The following DAB1 variants were observed in gnomAD, a reference collection of about 807,000 sequenced individuals.
The protein encoded by DAB1 is DAB adaptor protein 1.
DAB1 carries 15 observed loss-of-function variants against 64.6 expected under a neutral mutation model. That is an observed-to-expected ratio of 0.23 (90% confidence interval 0.16 to 0.36). DAB1 has a LOEUF of 0.36. Ranked by LOEUF, DAB1 falls within the 10% of genes least tolerant of loss-of-function variation. DAB1 has a pLI of 1.00. For synonymous variants in DAB1, 235 were observed against 251.9 expected (o/e 0.93, Z 0.64); for missense variants, 596 against 706.7 (o/e 0.84, Z 1.78).
chr1:57,167,328 C>T (rs1661292989), intron 2 of DAB1, among the ~76,000 whole-genome samples: 2 of 152,170 alleles, frequency 1.3e-5, no homozygotes, highest in South Asian at 4.2e-4. Context: ...TTCTTTCTTC[C>T]ATCTCACTCT....
chr1:57,386,055 T>A (rs1476366038), intron 1 of DAB1, among the ~76,000 whole-genome samples: 1 of 152,174 alleles, frequency 6.6e-6, no homozygotes, highest in Admixed American at 6.5e-5. Flanking sequence ...ACTCAGTGAC[T>A]GTTTCTGCAG....
intron 5 of DAB1, among the ~76,000 whole-genome samples, chr1:58,026,550 T>C (rs755690074): frequency 6.6e-6 from 1 of 152,214 alleles, no homozygotes; most frequent in African/African-American, 2.4e-5. Context: ...TGCTCCCTTA[T>C]TATTTTATTA....
At chr1:58,363,094 T>C (rs1644182833) in intron 3 of DAB1, among the ~76,000 whole-genome samples, 1 of 152,146 alleles carries the variant, frequency 6.6e-6, no homozygotes, top group African/African-American at 2.4e-5. Context: ...TCCATCCTCA[T>C]AACTTCACCT....
chr1:57,134,201 C>A (rs1437495552), intron 4 of DAB1, among the ~76,000 whole-genome samples: 1 of 152,156 alleles, frequency 6.6e-6, no homozygotes, highest in Admixed American at 6.6e-5. Flanking sequence ...ACAGAAACCA[C>A]CTCCTAAAAC....
chr1:57,669,168 GC>G (rs1646481637), intron 6 of DAB1, among the ~76,000 whole-genome samples: 1 of 152,038 alleles, frequency 6.6e-6, no homozygotes, highest in South Asian at 2.1e-4. Context: ...ACAGGACTTA[GC>G]CAATTCAATC....
intron 5 of DAB1, among the ~76,000 whole-genome samples, chr1:58,070,659 T>C (rs1205914507): frequency 3.3e-5 from 5 of 152,192 alleles, no homozygotes; most frequent in Non-Finnish European, 5.9e-5. Flanking sequence ...TGAGATGGGA[T>C]GCAGGCCTGT....
chr1:58,193,315 G>A (rs1657490415), intron 4 of DAB1, among the ~76,000 whole-genome samples: 1 of 152,160 alleles, frequency 6.6e-6, no homozygotes, highest in African/African-American at 2.4e-5. Context: ...GCCATGAATG[G>A]AAGCAGCCTG....
At chr1:58,064,542 C>G (rs142064900) in intron 5 of DAB1, among the ~76,000 whole-genome samples, 21 of 152,242 alleles carry the variant, frequency 1.4e-4, no homozygotes, top group African/African-American at 4.3e-4. Flanking sequence ...AAGGATTGCT[C>G]GTCAACCCAC....
chr1:57,752,244 C>T (rs143870746), intron 6 of DAB1, among the ~76,000 whole-genome samples: 1 of 152,180 alleles, frequency 6.6e-6, no homozygotes, highest in African/African-American at 2.4e-5. Context: ...CTTTCATTTT[C>T]TTGGCAAATG....
intron 2 of DAB1, among the ~76,000 whole-genome samples, chr1:57,270,063 C>T (rs1670877083): frequency 6.6e-6 from 1 of 152,192 alleles, no homozygotes; most frequent in South Asian, 2.1e-4. Context: ...AGAGCCCGAG[C>T]ACTGGATGTC....
intron 1 of DAB1, among the ~76,000 whole-genome samples, chr1:57,379,595 G>T (rs1223180440): frequency 6.6e-6 from 1 of 152,180 alleles, no homozygotes; most frequent in Non-Finnish European, 1.5e-5. Flanking sequence ...AACTGCCTAA[G>T]GTTGGAACCT....
chr1:57,127,423 G>A (rs189339738), intron 4 of DAB1, among the ~76,000 whole-genome samples: 16 of 152,296 alleles, frequency 1.1e-4, no homozygotes, highest in African/African-American at 3.8e-4. Flanking sequence ...CTTTCATGAG[G>A]ACAAAGGAAG....
At chr1:57,210,582 A>C (rs1162952384) in intron 2 of DAB1, among the ~76,000 whole-genome samples, 5 of 152,170 alleles carry the variant, frequency 3.3e-5, no homozygotes, top group Non-Finnish European at 7.3e-5. Flanking sequence ...TCATCAACTT[A>C]CTGTCTCAAA....
intron 4 of DAB1, among the ~76,000 whole-genome samples, chr1:58,260,322 A>G (rs1285419523): frequency 6.6e-6 from 1 of 152,162 alleles, no homozygotes; most frequent in Non-Finnish European, 1.5e-5. Context: ...GAAGGAGACT[A>G]AACTGGCCAG....
intron 7 of DAB1, among the ~76,000 whole-genome samples, chr1:57,526,513 C>T (rs972032929): frequency 6.6e-6 from 1 of 152,150 alleles, no homozygotes; most frequent in Non-Finnish European, 1.5e-5. Flanking sequence ...GATGTAATTT[C>T]TGCACCAAAC....
chr1:58,366,064 C>T (rs1381500316), intron 3 of DAB1, among the ~76,000 whole-genome samples: 1 of 152,158 alleles, frequency 6.6e-6, no homozygotes, highest in Non-Finnish European at 1.5e-5. Context: ...TGACAGAGAT[C>T]AACACTGAGC....
chr1:58,387,655 T>C (rs1644443594), intron 3 of DAB1, among the ~76,000 whole-genome samples: 1 of 152,070 alleles, frequency 6.6e-6, no homozygotes, highest in Admixed American at 6.5e-5. Flanking sequence ...TTCTCTTCTC[T>C]AGGAGTTAAT....
intron 6 of DAB1, among the ~76,000 whole-genome samples, chr1:57,670,718 A>G (rs1480334508): frequency 1.3e-5 from 2 of 152,166 alleles, no homozygotes; most frequent in Non-Finnish European, 2.9e-5. Flanking sequence ...ACAAGGAAGA[A>G]TGGTGCTAGC....
At chr1:57,362,316 A>G (rs893777069) in intron 1 of DAB1, among the ~76,000 whole-genome samples, 7 of 148,774 alleles carry the variant, frequency 4.7e-5, no homozygotes, top group African/African-American at 1.8e-4. Flanking sequence ...CATGTGCTCA[A>G]AAAACGTAAA....
Sources: allele counts gnomAD v4.1 joint callset (sites outside exome capture counted in the v4.1 genomes callset), GRCh38; gene constraint gnomAD v4.1.1; transcripts MANE v1.5; gene names NCBI Gene and HGNC (gene_info 2026-07-23, HGNC 2026-07-21).